CALN1: variants seen among roughly 807,000 people sequenced by gnomAD.
CALN1 encodes the protein calcium-binding protein 8.
A neutral mutation model predicts 30.6 loss-of-function variants in CALN1; 17 were observed. The observed-to-expected ratio is 0.56, with a 90% CI of 0.38 to 0.83. The LOEUF is 0.83. CALN1 is among the 40% of genes least tolerant of loss of function. CALN1 has a pLI of 0.00. For synonymous variants in CALN1, 156 were observed against 131.4 expected, an observed-to-expected ratio of 1.19 and a Z score of -1.28; for missense variants, 291 against 354.9, an observed-to-expected ratio of 0.82 and a Z score of 1.45.
intron 3 of CALN1, among the ~76,000 whole-genome samples, chr7:72,175,951 TA>T (rs547862285): frequency 4.8e-5 from 7 of 146,228 alleles, no homozygotes; most frequent in African/African-American, 7.5e-5. Flanking sequence ...TGCACTAAAA[TA>T]AAAAAAAAAC....
intron 6 of CALN1, among the ~76,000 whole-genome samples, chr7:71,788,495 T>TTG (rs1251183612): frequency 1.4e-5 from 2 of 147,982 alleles, no homozygotes; most frequent in East Asian, 4.0e-4. Context: ...TTTGTTGTTT[T>TTG]TTTTTTTTTT....
At chr7:71,798,117 CAGAGACAG>C (rs1562787927) in intron 6 of CALN1, among the ~76,000 whole-genome samples, 1,410 of 61,964 alleles carry the variant, frequency 0.023, 5 homozygotes, top group East Asian at 0.079. Flanking sequence ...GAGACAGAGA[CAGAGACAG>C]AGAGAGAGAG....
chr7:72,271,575 A>AAAAAAAATATATATAT lies in CALN1; in HGVS notation c.244+7110_244+7111insATATATATATTTTTTT. Among the ~76,000 whole-genome samples, 18 of 52,112 alleles carry AAAAAAAATATATATAT rather than the reference A, an allele frequency of 3.5e-4. 2 individuals are homozygous for AAAAAAAATATATATAT. The highest frequency in any genetic ancestry group is 1.9e-3 in the African/African-American group (14 of 7,444). The allele number at this position is 52,112 out of a possible 152,430, so 34.2% of individuals were successfully genotyped here. ...CTGTGCCTGCCTTTTAAAAAAAAAA[A>AAAAAAAATATATATAT]ATATATATATATATATATAGTTTTC... is the stretch of plus-strand genomic sequence containing the variant. On this transcript the variant is annotated intron_variant, in intron 3 of 6. Coordinates refer to ENST00000395275, the MANE Select transcript of CALN1 (RefSeq NM_031468.4).
chr7:72,366,452 A>T (rs1803882763), intron 2 of CALN1, among the ~76,000 whole-genome samples: 1 of 152,224 alleles, frequency 6.6e-6, no homozygotes. Context: ...CTGGCATTAC[A>T]GGCATGAGCT....
At chr7:72,043,085 G>A (rs1376441568) in intron 4 of CALN1, among the ~76,000 whole-genome samples, 1 of 152,202 alleles carries the variant, frequency 6.6e-6, no homozygotes, top group Non-Finnish European at 1.5e-5. Context: ...AGATCTTGCA[G>A]CTGCTGGTGA....
At chr7:71,902,496 TAAAGC>T (rs1477754394) in intron 5 of CALN1, among the ~76,000 whole-genome samples, 1 of 152,010 alleles carries the variant, frequency 6.6e-6, no homozygotes, top group African/African-American at 2.4e-5. Flanking sequence ...AACCCAAAAA[TAAAGC>T]AACATACCTA....
At chr7:71,854,969 CT>C (rs1450946501) in intron 5 of CALN1, among the ~76,000 whole-genome samples, 40 of 152,328 alleles carry the variant, frequency 2.6e-4, no homozygotes, top group African/African-American at 9.1e-4. Context: ...CTAACCCTGT[CT>C]GGACAAGGGC....
chr7:72,317,082 G>GAGAGAGAGAGAA (rs1202728038), intron 2 of CALN1, among the ~76,000 whole-genome samples: 4 of 104,242 alleles, frequency 3.8e-5, no homozygotes, highest in East Asian at 3.9e-4. Flanking sequence ...GACACAGAAA[G>GAGAGAGAGAGAA]AGAGAGAGAG....
At chr7:71,990,764 T>A (rs1460532403) in intron 5 of CALN1, among the ~76,000 whole-genome samples, 1 of 152,184 alleles carries the variant, frequency 6.6e-6, no homozygotes, top group Non-Finnish European at 1.5e-5. Context: ...ATTCCCTTAC[T>A]TTCTTAATAA....
At chr7:71,975,903 AATGGCAG>A (rs1798079322) in intron 5 of CALN1, among the ~76,000 whole-genome samples, 1 of 149,868 alleles carries the variant, frequency 6.7e-6, no homozygotes, top group Non-Finnish European at 1.5e-5. Flanking sequence ...GTGCCAAAGT[AATGGCAG>A]CTTTTGCCAT....
chr7:71,834,217 CAAAA>C (rs11313802), intron 5 of CALN1, among the ~76,000 whole-genome samples: 8 of 48,310 alleles, frequency 1.7e-4, no homozygotes, highest in Non-Finnish European at 1.4e-4. Flanking sequence ...GACTCCATCT[CAAAA>C]AAAAAAAAAA....
At chr7:71,999,305 CA>C (rs1238516965) in intron 5 of CALN1, among the ~76,000 whole-genome samples, 2 of 152,088 alleles carry the variant, frequency 1.3e-5, no homozygotes, top group Non-Finnish European at 2.9e-5. Context: ...ATGGCCACAT[CA>C]AAAAGCTTCA....
At chr7:71,962,023 A>G (rs563883621) in intron 5 of CALN1, among the ~76,000 whole-genome samples, 10 of 152,196 alleles carry the variant, frequency 6.6e-5, no homozygotes, top group African/African-American at 2.2e-4. Flanking sequence ...TATGTCCATC[A>G]TCTCTTCATT....
At chr7:71,978,535 A>G (rs912685682) in intron 5 of CALN1, among the ~76,000 whole-genome samples, 37 of 151,956 alleles carry the variant, frequency 2.4e-4, no homozygotes, top group Admixed American at 2.2e-3. Context: ...CAGCCTCCCA[A>G]AGTGCTGGGA....
In CALN1 at chr7:72,189,767, C is replaced by CAAA. The variant is rs56087252; in HGVS notation, c.245-83476_245-83474dup. 6.9e-3 allele frequency among the ~76,000 whole-genome samples: 899 copies of CAAA among 130,868 alleles called. 9 individuals carry two copies. The highest frequency in any genetic ancestry group is 0.018 in the African/African-American group (615 of 33,834). 85.9% of individuals were successfully genotyped at this position (130,868 alleles called of 152,430 possible). A position where few individuals can be genotyped will look rare whatever the true frequency, so the allele number is the denominator to read the frequency against. ...TAGGCGACAGCGCCAGACTTTGTCT[C>CAAA]AAAAAAAAAAAAAAAAAAAATTTAC... is the stretch of plus-strand genomic sequence containing the variant. On this transcript the variant is annotated intron_variant, in intron 3 of 6. Coordinates refer to ENST00000395275, the MANE Select transcript of CALN1 (RefSeq NM_031468.4).
chr7:72,427,912 CTT>C (rs1807849148), intron 1 of CALN1, among the ~76,000 whole-genome samples: 1 of 152,162 alleles, frequency 6.6e-6, no homozygotes, highest in Non-Finnish European at 1.5e-5. Context: ...TTCCTTCTCT[CTT>C]GTCCTCACTG....
chr7:72,207,467 T>TTAGTAGTAG (rs57532477), intron 3 of CALN1, among the ~76,000 whole-genome samples: 15 of 151,656 alleles, frequency 9.9e-5, no homozygotes, highest in African/African-American at 3.6e-4. Context: ...GTTTGTTTAT[T>TTAGTAGTAG]TAGTAGTAGT....
the CALN1 span, among the ~76,000 whole-genome samples, chr7:72,503,869 C>T: frequency 6.6e-6 from 1 of 152,106 alleles, no homozygotes; most frequent in African/African-American, 2.4e-5. Flanking sequence ...CCTACACCGT[C>T]AGTCAAGGCG....
intron 1 of CALN1, among the ~76,000 whole-genome samples, chr7:72,445,107 A>AC (rs1808487656): frequency 2.1e-5 from 3 of 139,824 alleles, no homozygotes; most frequent in African/African-American, 7.7e-5. Flanking sequence ...CACACACACA[A>AC]CATTAAGTTG....
Sources: gnomAD v4.1 joint callset for allele counts (sites outside exome capture counted in the v4.1 genomes callset) on GRCh38, gnomAD v4.1.1 for gene constraint, MANE v1.5 for transcripts, NCBI Gene and HGNC (gene_info 2026-07-23, HGNC 2026-07-21) for gene names.